The following PCNX2 variants were observed in gnomAD, a reference collection of about 807,000 sequenced individuals.
PCNX2 encodes the protein pecanex-like protein 2.
In PCNX2, 168 loss-of-function variants were observed where a neutral mutation model predicts 223.8. The ratio of observed to expected loss-of-function variants is 0.75; its 90% CI spans 0.66 to 0.85. The LOEUF is 0.85. PCNX2 is among the 40% of genes least tolerant of loss of function. The pLI is 0.00. For synonymous variants in PCNX2, 1,006 were observed against 1,052.6 expected, an observed-to-expected ratio of 0.96 and a Z score of 0.86; for missense variants, 2,507 against 2,675.5, an observed-to-expected ratio of 0.94 and a Z score of 1.39.
chr1:233,135,152 A>G lies in PCNX2; in HGVS notation c.3698T>C (p.Leu1233Pro). The change falls in exon 21 of 34, where the codon CTG (leucine) becomes CCG (proline). Residue 1233 changes from leucine to proline, a missense_variant. Around this residue, in one of 3 missense-constraint regions of PCNX2, gnomAD observed 1,372 missense variants for 1,509.4 expected, o/e 0.91. Transcript: ENST00000258229. The stretch of plus-strand genomic sequence containing the variant: ...CGGGTTGCAGAATGATGTCCGCAAC[A>G]GCTTCATGCCAGCAATGATCATCAG... ...IFLMIIAGMK[L>P]LRTSFCNPVY... 1 of 1,613,932 alleles carries G rather than the reference A, an allele frequency of 6.2e-7. No individual in the cohort carries two copies. Among genetic ancestry groups the G allele is most frequent in the Non-Finnish European group, 8.5e-7 (1 of 1,179,872 alleles).
intron 21 of PCNX2, among the ~76,000 whole-genome samples, chr1:233,107,470 A>G (rs1234177507): frequency 6.6e-6 from 1 of 152,220 alleles, no homozygotes; most frequent in Non-Finnish European, 1.5e-5. Context: ...CTCAATCATG[A>G]TCCACACTGG....
At chr1:233,031,868 G>T in intron 25 of PCNX2, 36 of 981,880 alleles carry the variant, frequency 3.7e-5, no homozygotes, top group Non-Finnish European at 4.3e-5. Flanking sequence ...TGGTGAAGAT[G>T]TATAGAAATG....
chr1:233,105,927 C>G (rs528957417), intron 21 of PCNX2, among the ~76,000 whole-genome samples: 2 of 152,280 alleles, frequency 1.3e-5, no homozygotes, highest in South Asian at 2.1e-4. Flanking sequence ...CTCCTCTGGA[C>G]TCCTGAGAAT....
chr1:233,132,915 T>C (rs1676585055), intron 21 of PCNX2, among the ~76,000 whole-genome samples: 1 of 147,302 alleles, frequency 6.8e-6, no homozygotes, highest in African/African-American at 2.6e-5. Flanking sequence ...TTTTTTTTTT[T>C]GAGACAGGGT....
In PCNX2 at chr1:233,204,421, C is replaced by T. The variant is rs561506785; in HGVS notation, c.2863+4097G>A. On this transcript the variant is annotated intron_variant, in intron 13 of 33. Coordinates refer to ENST00000258229, the MANE Select transcript of PCNX2 (RefSeq NM_014801.4). ...TACAGCGGCTCTAGGAAGTATTACG[C>T]TTCCTAGAGCTGTACACTTCTTTTT... 3.3e-5 allele frequency among the ~76,000 whole-genome samples: 5 copies of T among 152,302 alleles called. No individual in the cohort carries two copies. The South Asian group carries it at 1.0e-3, about 32-fold the overall frequency.
intron 25 of PCNX2, among the ~76,000 whole-genome samples, chr1:233,052,275 G>A (rs1672033983): frequency 6.6e-6 from 1 of 152,188 alleles, no homozygotes; most frequent in African/African-American, 2.4e-5. Context: ...CGAGATAACT[G>A]ATCATCTTTA....
chr1:233,261,178 G>T, intron 4 of PCNX2, 107 bp downstream of exon 4: 1 of 1,029,378 alleles, frequency 9.7e-7, no homozygotes, highest in Non-Finnish European at 1.5e-6. Flanking sequence ...GCAGTCTTAG[G>T]TATAGTTCTT....
In PCNX2 at chr1:233,258,740, T is replaced by C. The variant is rs938075399; in HGVS notation, c.1122A>G (p.Ile374Met). 6.2e-7 allele frequency: 1 copy of C among 1,613,938 alleles called. No individual in the cohort carries two copies. Among genetic ancestry groups the C allele is most frequent in the South Asian group, 1.1e-5 (1 of 91,078 alleles). ...TACTGCTCATCGTGATAACAATTTT[T>C]ATGGGCTCATGTAGACTCAGTGGGT... is the stretch of plus-strand genomic sequence containing the variant. Reference protein sequence around the residue: ...PGDPLSLHEPIKIVITMSSTP... With the variant: ...PGDPLSLHEPMKIVITMSSTP... The change falls in exon 5 of 34, where the codon ATA becomes ATG. Residue 374 changes from isoleucine to methionine, a missense_variant. Transcript: ENST00000258229.
intron 17 of PCNX2, among the ~76,000 whole-genome samples, chr1:233,177,345 T>C (rs1355575503): frequency 1.3e-5 from 2 of 152,208 alleles, no homozygotes; most frequent in African/African-American, 2.4e-5. Flanking sequence ...CTCCTTCCTT[T>C]GTTCTCCTCT....
chr1:233,227,340 C>G lies in PCNX2; in HGVS notation c.2390G>C (p.Cys797Ser). ...HVSQDLEASS[C>S]SSTQGKFNRE... Reference sequence around the variant, plus strand: ...GTTAAATTTTCCTTGTGTTGAAGAACATGACGAGGCTTCCAGATCCTGACT... The same window carrying G: ...GTTAAATTTTCCTTGTGTTGAAGAAGATGACGAGGCTTCCAGATCCTGACT... The change falls in exon 10 of 34, where the codon TGT (cysteine) becomes TCT (serine). Residue 797 changes from cysteine (C) to serine (S), a missense_variant. Transcript: ENST00000258229. The G allele has an allele frequency of 6.2e-7, 1 of 1,613,522 alleles. No homozygotes were observed. Among genetic ancestry groups the G allele is most frequent in the South Asian group, 1.1e-5 (1 of 91,048 alleles).
At chr1:233,095,927 G>A in intron 21 of PCNX2, 64 bp from the exon 22 acceptor site, 1 of 1,201,360 alleles carries the variant, frequency 8.3e-7, no homozygotes, top group Non-Finnish European at 1.2e-6. Flanking sequence ...CTGCATCAAG[G>A]TCACTTAAAG....
At chr1:233,029,665 T>C (rs1344210702) in intron 25 of PCNX2, among the ~76,000 whole-genome samples, 1 of 152,240 alleles carries the variant, frequency 6.6e-6, no homozygotes, top group African/African-American at 2.4e-5. Context: ...AGATGTAGAA[T>C]TATGAGTTGA....
intron 17 of PCNX2, among the ~76,000 whole-genome samples, chr1:233,164,338 T>C (rs529894819): frequency 3.3e-4 from 51 of 152,248 alleles, no homozygotes; most frequent in African/African-American, 9.1e-4. Context: ...TTGGTGGAAA[T>C]GTATCTTGAT....
intron 32 of PCNX2, among the ~76,000 whole-genome samples, chr1:232,995,808 G>C (rs1313673473): frequency 6.6e-6 from 1 of 152,178 alleles, no homozygotes; most frequent in Non-Finnish European, 1.5e-5. Flanking sequence ...AGGAACACCA[G>C]CTCTTCCAGG....
intron 19 of PCNX2, among the ~76,000 whole-genome samples, chr1:233,153,525 G>A (rs1277945759): frequency 1.3e-5 from 2 of 152,192 alleles, no homozygotes; most frequent in Non-Finnish European, 2.9e-5. Flanking sequence ...TTAAAAAAGA[G>A]CCTGAGTAGA....
rs766403232 is a variant in PCNX2, at chr1:233,127,390, G to A, written c.3837+7623C>T. Among the ~76,000 whole-genome samples the A allele has an allele frequency of 2.6e-5, 4 of 151,988 alleles. 1 individual carries two copies. Among genetic ancestry groups the A allele is most frequent in the South Asian group, 4.1e-4 (2 of 4,826 alleles). ...CCTTTACACATGCAGCTTCCTCTGC[G>A]TAACTCACTCCTCCCTGCCTTCTTT... On this transcript the variant is annotated intron_variant, in intron 21 of 33. Coordinates refer to ENST00000258229, the MANE Select transcript of PCNX2 (RefSeq NM_014801.4).
intron 19 of PCNX2, among the ~76,000 whole-genome samples, chr1:233,144,428 G>A (rs1677307429): frequency 6.6e-6 from 1 of 152,102 alleles, no homozygotes; most frequent in South Asian, 2.1e-4. Flanking sequence ...TATCAGGTGT[G>A]CATATAGCAA....
intron 28 of PCNX2, among the ~76,000 whole-genome samples, chr1:233,011,405 T>C (rs1162704664): frequency 6.6e-6 from 1 of 152,212 alleles, no homozygotes; most frequent in Admixed American, 6.5e-5. Context: ...TTCATAACAG[T>C]GGTTTCATAG....
chr1:232,993,176 A>C (rs1669762199), intron 32 of PCNX2, among the ~76,000 whole-genome samples: 2 of 152,168 alleles, frequency 1.3e-5, no homozygotes, highest in African/African-American at 4.8e-5. Context: ...AAAGTTTGGA[A>C]CTTCCTAGAG....
Sources: allele counts gnomAD v4.1 joint callset (sites outside exome capture counted in the v4.1 genomes callset), GRCh38; gene constraint gnomAD v4.1.1; regional missense constraint gnomAD v4.1.1; transcripts MANE v1.5; gene names NCBI Gene and HGNC (gene_info 2026-07-23, HGNC 2026-07-21).